The following AGBL1 variants were observed in gnomAD, a reference collection of about 807,000 sequenced individuals.
AGBL1 encodes cytosolic carboxypeptidase 4.
In AGBL1, 130 loss-of-function variants were observed where a neutral mutation model predicts 118.9. That is an observed-to-expected ratio of 1.09 (90% CI 0.95 to 1.26). AGBL1 has a LOEUF of 1.26. Among genes scored for constraint, AGBL1 ranks in the 50% most tolerant of loss-of-function variants. AGBL1 has a pLI of 0.00. For missense variants in AGBL1, 1,584 were observed against 1,298.1 expected, an observed-to-expected ratio of 1.22 and a Z score of -3.38; for synonymous variants, 555 against 478.9, an observed-to-expected ratio of 1.16 and a Z score of -2.08.
intron 22 of AGBL1, among the ~76,000 whole-genome samples, chr15:86,839,858 T>A (rs968879249): frequency 2.6e-5 from 4 of 152,146 alleles, no homozygotes; most frequent in Non-Finnish European, 4.4e-5. Flanking sequence ...CTCCTCTACT[T>A]TTATTCCTCT....
chr15:86,654,703 A>C (rs2085434633), intron 21 of AGBL1, among the ~76,000 whole-genome samples: 3 of 152,046 alleles, frequency 2.0e-5, no homozygotes, highest in Non-Finnish European at 4.4e-5. Flanking sequence ...GGTGTCACCG[A>C]TGCTCTCCTT....
chr15:86,508,104 A>G (rs1388247322), intron 18 of AGBL1, among the ~76,000 whole-genome samples: 1 of 130,130 alleles, frequency 7.7e-6, no homozygotes, highest in African/African-American at 2.9e-5. Context: ...TTGTATTTTT[A>G]GTAGAGAAGG....
At chr15:86,367,235 C>T (rs1395840275) in intron 17 of AGBL1, among the ~76,000 whole-genome samples, 1 of 152,092 alleles carries the variant, frequency 6.6e-6, no homozygotes, top group Non-Finnish European at 1.5e-5. Context: ...CTAAACAATG[C>T]CCTCAGAATT....
chr15:86,081,704 A>G (rs781526655), intron 1 of AGBL1, among the ~76,000 whole-genome samples: 2 of 152,250 alleles, frequency 1.3e-5, no homozygotes, highest in Non-Finnish European at 2.9e-5. Context: ...ATTTCTGAAT[A>G]GTTGCATGGA....
intron 21 of AGBL1, among the ~76,000 whole-genome samples, chr15:86,576,238 G>A (rs1208833356): frequency 1.3e-5 from 2 of 152,168 alleles, no homozygotes; most frequent in Admixed American, 6.5e-5. Flanking sequence ...TGTATATAAA[G>A]CACTTAGAGT....
Position 86,142,928 on chromosome 15 carries a change from G to C in AGBL1, c.116-771G>C, listed in dbSNP as rs145040592. 3.9e-5 allele frequency among the ~76,000 whole-genome samples: 6 copies of C among 152,306 alleles called. No individual in the cohort carries two copies. The East Asian group carries it at 1.2e-3, about 29-fold the overall frequency. ...TTGCAGAGAATGCTACTTTTCATTAGGACAAAAAATCAGATGGTCGTCTTT... is the reference window on the plus strand; with the variant it reads ...TTGCAGAGAATGCTACTTTTCATTACGACAAAAAATCAGATGGTCGTCTTT... On this transcript the variant is annotated intron_variant, in intron 2 of 22. Transcript: ENST00000614907.
chr15:86,815,638 G>T lies in AGBL1; in HGVS notation c.3159-91449G>T, dbSNP rs76645887. 4.5e-3 allele frequency among the ~76,000 whole-genome samples: 689 copies of T among 152,242 alleles called. 4 individuals are homozygous for T. The highest frequency in any genetic ancestry group is 0.016 in the African/African-American group (661 of 41,552). ...GGAAAGACAAGCACCCAGGAGATAA[G>T]TAGTACGGTTCTGGGTTTGGTGGAT... On this transcript the variant is annotated intron_variant, in intron 22 of 22. Coordinates refer to ENST00000614907, the MANE Select transcript of AGBL1 (RefSeq NM_001386094.1).
At chr15:86,156,199 G>A (rs535172863) in intron 4 of AGBL1, among the ~76,000 whole-genome samples, 76 of 152,292 alleles carry the variant, frequency 5.0e-4, no homozygotes, top group Non-Finnish European at 8.1e-4. Context: ...GGAATTACAG[G>A]CGTGAGCCAC....
At chr15:86,970,820 T>C (rs1301993603) in intron 23 of AGBL1, among the ~76,000 whole-genome samples, 1 of 151,990 alleles carries the variant, frequency 6.6e-6, no homozygotes, top group East Asian at 1.9e-4. Context: ...CCTCCATATC[T>C]ATGGGTCCTC....
intron 1 of AGBL1, among the ~76,000 whole-genome samples, chr15:86,108,781 A>C (rs547771368): frequency 6.6e-6 from 1 of 152,178 alleles, no homozygotes; most frequent in African/African-American, 2.4e-5. Context: ...ACATGGTGAA[A>C]GCCTGTCTCT....
chr15:86,534,228 C>T (rs1271704816), intron 19 of AGBL1, among the ~76,000 whole-genome samples: 1 of 150,936 alleles, frequency 6.6e-6, no homozygotes, highest in Non-Finnish European at 1.5e-5. Flanking sequence ...ATAGTAAGCA[C>T]TGTAACAAAG....
At chr15:86,939,530 A>G (rs949451574) in intron 23 of AGBL1, 7 of 152,376 alleles carry the variant, frequency 4.6e-5, no homozygotes, top group Admixed American at 1.3e-4. Context: ...CAGATAGCCT[A>G]TTGTGGGACT....
chr15:86,260,564 G>T (rs372750631), intron 9 of AGBL1, among the ~76,000 whole-genome samples: 2 of 151,866 alleles, frequency 1.3e-5, no homozygotes, highest in Non-Finnish European at 1.5e-5. Context: ...ATTCTTTCAG[G>T]TGCTTTATTG....
At chr15:86,368,553 G>C (rs1016463492) in intron 17 of AGBL1, among the ~76,000 whole-genome samples, 2 of 152,086 alleles carry the variant, frequency 1.3e-5, no homozygotes, top group African/African-American at 2.4e-5. Flanking sequence ...AATGAAAAAA[G>C]TATAGTTTAT....
intron 5 of AGBL1, among the ~76,000 whole-genome samples, chr15:86,221,265 A>G (rs1412434728): frequency 6.6e-6 from 1 of 152,164 alleles, no homozygotes; most frequent in Non-Finnish European, 1.5e-5. Flanking sequence ...TACCAGAACC[A>G]TGGGTGTCAG....
intron 21 of AGBL1, among the ~76,000 whole-genome samples, chr15:86,667,062 T>A (rs570101662): frequency 8.3e-4 from 126 of 152,300 alleles, no homozygotes; most frequent in African/African-American, 2.8e-3. Context: ...TATCTTGATA[T>A]GTTAGGTATG....
rs201355786 is a variant in AGBL1, at chr15:86,904,643, TAAA to T, written c.3159-2443_3159-2441del. ...ATTATATTTATTTTGTTATGTATAA[TAAA>T]TGTATGTTATTATATATAAATATAT... On this transcript the variant is annotated intron_variant, in intron 22 of 22. Transcript: ENST00000614907. 6.9e-3 allele frequency among the ~76,000 whole-genome samples: 1,022 copies of T among 147,902 alleles called. 6 individuals are homozygous for T. Among genetic ancestry groups the T allele is most frequent in the Non-Finnish European group, 0.012 (802 of 67,290 alleles).
intron 1 of AGBL1, among the ~76,000 whole-genome samples, chr15:86,098,427 A>C (rs576714392): frequency 6.6e-6 from 1 of 152,202 alleles, no homozygotes; most frequent in South Asian, 2.1e-4. Flanking sequence ...GGTTTCTTCT[A>C]GTGGTCTTAT....
chr15:86,379,381 T>G (rs1567226155), intron 17 of AGBL1, among the ~76,000 whole-genome samples: 2 of 152,298 alleles, frequency 1.3e-5, no homozygotes, highest in Middle Eastern at 3.4e-3. Context: ...AATTTTTATG[T>G]TTTACAGAAA....
Sources: allele counts gnomAD v4.1 joint callset (sites outside exome capture counted in the v4.1 genomes callset), GRCh38; gene constraint gnomAD v4.1.1; transcripts MANE v1.5; gene names NCBI Gene and HGNC (gene_info 2026-07-23, HGNC 2026-07-21).